Variants in STT3A observed in about 807,000 individuals in gnomAD.
STT3A encodes the protein STT3 oligosaccharyltransferase complex catalytic subunit A.
STT3A carries 34 observed loss-of-function variants against 89.2 expected under a neutral mutation model. The observed-to-expected ratio is 0.38, with a 90% CI of 0.29 to 0.51. STT3A has a LOEUF of 0.51. STT3A is among the 20% of genes least tolerant of loss of function. STT3A has a pLI of 0.89. For synonymous variants in STT3A, 282 were observed against 310.3 expected (o/e 0.91, Z 0.96); for missense variants, 555 against 889.5 (o/e 0.62, Z 4.78).
chr11:125,616,703 A>G (rs1228179320), intron 15 of STT3A, among the ~76,000 whole-genome samples: 1 of 152,122 alleles, frequency 6.6e-6, no homozygotes, highest in Non-Finnish European at 1.5e-5. Context: ...TTTGAGACAG[A>G]GTTTCACTTT....
At chr11:125,618,651 C>A (rs748061774) in intron 16 of STT3A, 90 bp downstream of exon 16, 6 of 1,323,838 alleles carry the variant, frequency 4.5e-6, no homozygotes, top group Non-Finnish European at 6.2e-6. Context: ...CTAGTAAGTG[C>A]TTTGTGTCTG....
chr11:125,618,065 C>A (rs1940231737), intron 15 of STT3A, among the ~76,000 whole-genome samples: 1 of 152,094 alleles, frequency 6.6e-6, no homozygotes, highest in Non-Finnish European at 1.5e-5. Flanking sequence ...TGCTCAGCAG[C>A]TATATGTAGC....
At chr11:125,611,370 C>T (rs1940010403) in intron 10 of STT3A, 58 bp from the exon 11 acceptor site, 1 of 1,331,138 alleles carries the variant, frequency 7.5e-7, no homozygotes, top group Non-Finnish European at 1.1e-6. Flanking sequence ...AGATACTTTA[C>T]CTTGTAGGTT....
chr11:125,607,769 T>G (rs191078910), intron 8 of STT3A, among the ~76,000 whole-genome samples: 36 of 152,376 alleles, frequency 2.4e-4, no homozygotes, highest in African/African-American at 8.4e-4. Flanking sequence ...GATTTCAGTT[T>G]GGCAGATTGG....
upstream of STT3A, chr11:125,592,619 C>G: frequency 2.5e-6 from 1 of 395,678 alleles, no homozygotes; most frequent in Non-Finnish European, 5.0e-6. Context: ...ACGTTCTTTC[C>G]GCGCTCTTGA....
At position 125,622,360 on chromosome 11, in the gene STT3A, A is replaced by G. The variant is rs1226451777; in HGVS notation, c.*1550A>G. ...TATGTAAGTACATTACTTGATTTCTATAAAGAATCTTTAGTGGAAGAGGTT... is the reference window on the plus strand; with the variant it reads ...TATGTAAGTACATTACTTGATTTCTGTAAAGAATCTTTAGTGGAAGAGGTT... On this transcript the variant is annotated 3_prime_UTR_variant, in exon 18 of 18. Coordinates refer to ENST00000392708, the MANE Select transcript of STT3A (RefSeq NM_152713.5). 1.3e-5 allele frequency: 2 copies of G among 152,222 alleles called. No homozygotes were observed. Among genetic ancestry groups the G allele is most frequent in the African/African-American group, 2.4e-5 (1 of 41,456 alleles). 9.4% of individuals were successfully genotyped at this position (152,222 alleles called of 1,614,324 possible). A position where few individuals can be genotyped will look rare whatever the true frequency, so the allele number is the denominator to read the frequency against.
At chr11:125,619,877 G>A (rs1463857878) in intron 16 of STT3A, 134 bp from the exon 17 acceptor site, 2 of 694,866 alleles carry the variant, frequency 2.9e-6, no homozygotes, top group Non-Finnish European at 4.8e-6. Context: ...GCCCTTTTTT[G>A]CAGGCTCTAC....
chr11:125,597,932 C>T (rs1268365381), intron 3 of STT3A, among the ~76,000 whole-genome samples: 3 of 151,750 alleles, frequency 2.0e-5, no homozygotes, highest in Non-Finnish European at 4.4e-5. Flanking sequence ...GAGGAGACTC[C>T]ACTGGGCACG....
chr11:125,595,780 C>G (rs1411889974), intron 1 of STT3A, 101 bp from the exon 2 acceptor site: 1 of 639,370 alleles, frequency 1.6e-6, no homozygotes, highest in East Asian at 2.7e-5. Flanking sequence ...GGTGTTTTTG[C>G]TAGCTCCTAC....
chr11:125,609,813 G>T, intron 10 of STT3A: 2 of 469,592 alleles, frequency 4.3e-6, no homozygotes, highest in East Asian at 3.5e-5. Context: ...CTGTTCATTT[G>T]TCATTTGTGT....
In STT3A at chr11:125,597,052, T is replaced by C. The variant is rs1272333271; in HGVS notation, c.89-7T>C. 1 of 1,614,096 alleles carries C rather than the reference T, an allele frequency of 6.2e-7. No individual in the cohort carries two copies. Among genetic ancestry groups the C allele is most frequent in the Non-Finnish European group, 8.5e-7 (1 of 1,180,012 alleles). ...CCAATAAAATATTAACTCTCTGGTTTTTGCAGCCTTCTCCACTCGTCTGTT... is the reference window on the plus strand; with the variant it reads ...CCAATAAAATATTAACTCTCTGGTTCTTGCAGCCTTCTCCACTCGTCTGTT... On this transcript the variant is annotated splice_region_variant and splice_polypyrimidine_tract_variant and intron_variant, in intron 2 of 17. Transcript: ENST00000392708.
intron 3 of STT3A, 131 bp downstream of exon 3, chr11:125,597,250 C>A: frequency 6.9e-6 from 6 of 871,722 alleles, no homozygotes; most frequent in Non-Finnish European, 1.1e-5. Flanking sequence ...AAAAAAAAAC[C>A]CTTAAATTCT....
intron 11 of STT3A, among the ~76,000 whole-genome samples, chr11:125,611,863 ATTTTTTTTTTTTTTTTTT>A (rs59685125): frequency 5.3e-5 from 3 of 56,932 alleles, no homozygotes; most frequent in African/African-American, 2.0e-4. Context: ...AGGGATTTGA[ATTTTTTTTTTTTTTTTTT>A]TTTTTTTTTT....
chr11:125,606,114 G>A, intron 7 of STT3A, 187 bp from the exon 8 acceptor site: 1 of 574,894 alleles, frequency 1.7e-6, no homozygotes, highest in Non-Finnish European at 3.0e-6. Context: ...ACCTGTACAT[G>A]TAAGGACTTG....
Position 125,609,479 on chromosome 11 carries a change from C to T in STT3A, c.1007C>T (p.Pro336Leu), listed in dbSNP as rs1352458961. ...WTGRFYSLLD[P>L]SYAKNNIPII... ...GGGCGTTTCTACTCGCTGCTGGATC[C>T]CTCTTATGCTAAGAACAACATCCCC... is the stretch of plus-strand genomic sequence containing the variant. The change falls in exon 10 of 18, where the codon CCC becomes CTC. Residue 336 changes from proline to leucine, a missense_variant. Physicochemically the swap from Pro to Leu is moderately conservative, Grantham distance 98. This residue lies in a region of STT3A where 149 missense variants were observed against 206.2 expected (regional missense o/e 0.72). Coordinates refer to ENST00000392708, the MANE Select transcript of STT3A (RefSeq NM_152713.5). The T allele has an allele frequency of 6.2e-7, 1 of 1,613,880 alleles. No homozygotes were observed.
At chr11:125,598,298 C>A (rs370233454) in intron 3 of STT3A, among the ~76,000 whole-genome samples, 1 of 152,020 alleles carries the variant, frequency 6.6e-6, no homozygotes, top group African/African-American at 2.4e-5. Flanking sequence ...GTGGAGGAAC[C>A]GTGATTTGAA....
chr11:125,606,649 A>C (rs759921016), intron 8 of STT3A, among the ~76,000 whole-genome samples, 184 bp downstream of exon 8: 2 of 152,208 alleles, frequency 1.3e-5, no homozygotes, highest in Non-Finnish European at 2.9e-5. Context: ...GAGTCTGCTA[A>C]TATTTGCTCC....
intron 1 of STT3A, chr11:125,594,951 G>A (rs1939444890): frequency 6.6e-6 from 1 of 152,172 alleles, no homozygotes; most frequent in Admixed American, 6.5e-5. Flanking sequence ...TGAGAACACA[G>A]TGGATCTGTG....
At position 125,620,754 on chromosome 11, in the gene STT3A, G is replaced by T; in HGVS notation, c.2080-18G>T. On this transcript the variant is annotated intron_variant, in intron 17 of 17. Coordinates refer to ENST00000392708, the MANE Select transcript of STT3A (RefSeq NM_152713.5). ...TTGATCTGATTGTAAATATTAAACT[G>T]ACATCTTTATGTTGCAGGTAAAGGA... 6.2e-7 allele frequency: 1 copy of T among 1,612,584 alleles called. No individual in the cohort carries two copies. The highest frequency in any genetic ancestry group is 1.1e-5 in the South Asian group (1 of 90,970).
Sources: allele counts gnomAD v4.1 joint callset (sites outside exome capture counted in the v4.1 genomes callset), GRCh38; gene constraint gnomAD v4.1.1; regional missense constraint gnomAD v4.1.1; transcripts MANE v1.5; gene names NCBI Gene and HGNC (gene_info 2026-07-23, HGNC 2026-07-21).